Variants in PHC1 observed in about 807,000 individuals in gnomAD.
PHC1 encodes the protein polyhomeotic homolog 1.
PHC1 carries 12 observed loss-of-function variants against 104.3 expected under a neutral mutation model. That is an observed-to-expected ratio of 0.12 (90% CI 0.07 to 0.19). The LOEUF is 0.19. Ranked by LOEUF, PHC1 falls within the 10% of genes least tolerant of loss-of-function variation. The pLI is 1.00. For missense variants in PHC1, 671 were observed against 1,200.0 expected (o/e 0.56, Z 6.51); for synonymous variants, 302 against 455.8 (o/e 0.66, Z 4.30).
At chr12:8,917,567 A>G in intron 1 of PHC1, 63 bp from the exon 2 acceptor site, 1 of 503,550 alleles carries the variant, frequency 2.0e-6, no homozygotes, top group Non-Finnish European at 3.5e-6. Context: ...TTTTTGAATA[A>G]TAACATGAGA....
chr12:8,926,032 A>T (rs1160636954), intron 6 of PHC1, among the ~76,000 whole-genome samples: 1 of 152,078 alleles, frequency 6.6e-6, no homozygotes, highest in Non-Finnish European at 1.5e-5. Flanking sequence ...TAGATGGGGG[A>T]ATTAAAGGAG....
chr12:8,936,844 C>CT lies in PHC1; in HGVS notation c.2369-10dup. ...ACCCATGGTGACTGTCCAGCAATACCTTGTTTTTTAGAGTTAGATAAGAAG... is the reference window on the plus strand; with the variant it reads ...ACCCATGGTGACTGTCCAGCAATACCTTTGTTTTTTAGAGTTAGATAAGAAG... On this transcript the variant is annotated splice_polypyrimidine_tract_variant and intron_variant, in intron 11 of 14. Transcript: ENST00000544916. 1.3e-6 allele frequency: 2 copies of CT among 1,556,152 alleles called. No individual in the cohort carries two copies. Among genetic ancestry groups the CT allele is most frequent in the South Asian group, 2.3e-5 (2 of 88,884 alleles).
intron 2 of PHC1, 147 bp downstream of exon 2, chr12:8,917,938 A>C (rs1435130180): frequency 3.4e-6 from 2 of 581,574 alleles, no homozygotes; most frequent in Non-Finnish European, 3.1e-6. Context: ...AGCTCTGAGA[A>C]TCTTAGGAGT....
chr12:8,934,836 C>T (rs1945788941), intron 10 of PHC1, among the ~76,000 whole-genome samples: 1 of 151,968 alleles, frequency 6.6e-6, no homozygotes, highest in Admixed American at 6.6e-5. Context: ...ATTCTCAGCA[C>T]CATAGGAAGG....
chr12:8,936,713 C>T (rs773201112), intron 11 of PHC1, 143 bp from the exon 12 acceptor site: 5 of 623,854 alleles, frequency 8.0e-6, no homozygotes, highest in African/African-American at 3.7e-5. Flanking sequence ...TTGAACTTTG[C>T]GTTTTAGGGA....
chr12:8,937,672 G>A (rs1275427621), intron 13 of PHC1, among the ~76,000 whole-genome samples, 157 bp from the exon 14 acceptor site: 1 of 152,190 alleles, frequency 6.6e-6, no homozygotes, highest in Non-Finnish European at 1.5e-5. Flanking sequence ...GAAAGACTTT[G>A]AGAGTAGATT....
chr12:8,930,930 A>C lies in PHC1; in HGVS notation c.1105+3A>C. 1 of 1,606,540 alleles carries C rather than the reference A, an allele frequency of 6.2e-7. No homozygotes were observed. Among genetic ancestry groups the C allele is most frequent in the South Asian group, 1.1e-5 (1 of 90,524 alleles). On this transcript the variant is annotated splice_donor_region_variant and intron_variant, in intron 7 of 14. Coordinates refer to ENST00000544916, the MANE Select transcript of PHC1 (RefSeq NM_004426.3). ...CAGCCAGACACTTATTAGCTCAGGT[A>C]AATTGTCATTCCTCATGTCATTATT...
Position 8,934,359 on chromosome 12 carries a change from C to T in PHC1, c.2134C>T (p.Leu712=). 2.5e-6 allele frequency: 4 copies of T among 1,613,952 alleles called. No homozygotes were observed. The highest frequency in any genetic ancestry group is 3.4e-6 in the Non-Finnish European group (4 of 1,179,806). ...TPAPSVPPPT[L]AMVSRQMGDS... is the part of the protein sequence containing the mutation. ...CGCCCCTTCAGTACCGCCTCCTACA[C>T]TAGCCATGGTGTCTAGACAAATGGG... is the stretch of plus-strand genomic sequence containing the variant. The change falls in exon 10 of 15, where the codon CTA becomes TTA. Residue 712 remains leucine (L), a synonymous_variant. Transcript: ENST00000544916.
At chr12:8,925,575 G>A (rs1263115451) in intron 6 of PHC1, among the ~76,000 whole-genome samples, 2 of 152,166 alleles carry the variant, frequency 1.3e-5, no homozygotes, top group African/African-American at 4.8e-5. Context: ...GGAGAGTGTT[G>A]GAGGCAGGAG....
intron 7 of PHC1, 61 bp from the exon 8 acceptor site, chr12:8,932,502 A>G: frequency 6.5e-7 from 1 of 1,547,802 alleles, no homozygotes; most frequent in Admixed American, 1.8e-5. Context: ...CTTTTAATTT[A>G]GAATGATTAT....
At chr12:8,920,874 T>C (rs1945342476) in intron 3 of PHC1, 111 bp from the exon 4 acceptor site, 1 of 693,724 alleles carries the variant, frequency 1.4e-6, no homozygotes, top group African/African-American at 1.8e-5. Flanking sequence ...GGAATCTCCC[T>C]GTTTATAATG....
upstream of PHC1, among the ~76,000 whole-genome samples, chr12:8,914,268 C>T (rs1945129856): frequency 6.6e-6 from 1 of 151,966 alleles, no homozygotes; most frequent in African/African-American, 2.4e-5. Context: ...TCCTTCCAAC[C>T]GGCGAGCAGA....
At chr12:8,924,917 C>A (rs752234438) in intron 6 of PHC1, among the ~76,000 whole-genome samples, 10 of 152,278 alleles carry the variant, frequency 6.6e-5, no homozygotes, top group African/African-American at 2.4e-4. Context: ...AGGGAACTTG[C>A]TAAGAAACTC....
Position 8,919,276 on chromosome 12 carries a change from G to T in PHC1, c.115-480G>T, listed in dbSNP as rs1055446610. ...GAGTTTCACCATGTTGGCCAGGCTG[G>T]TCTTGAACTCCCGACCTCAGGTGAT... On this transcript the variant is annotated intron_variant, in intron 2 of 14. Coordinates refer to ENST00000544916, the MANE Select transcript of PHC1 (RefSeq NM_004426.3). This position sits in a 1 kb window ranked among gnomAD's most constrained non-coding sequence, Gnocchi z 4.9. 3.9e-5 allele frequency among the ~76,000 whole-genome samples: 6 copies of T among 152,052 alleles called. No individual in the cohort carries two copies. Among genetic ancestry groups the T allele is most frequent in the Admixed American group, 2.0e-4 (3 of 15,280 alleles).
At chr12:8,927,231 T>TG (rs977957440) in intron 6 of PHC1, among the ~76,000 whole-genome samples, 3 of 152,076 alleles carry the variant, frequency 2.0e-5, no homozygotes, top group Non-Finnish European at 4.4e-5. Flanking sequence ...TTCAGTTGTT[T>TG]GGGGGGTGGT....
chr12:8,921,797 G>T, intron 5 of PHC1, 47 bp downstream of exon 5: 6 of 1,514,958 alleles, frequency 4.0e-6, no homozygotes, highest in Non-Finnish European at 5.3e-6. Context: ...ATAATTGTCT[G>T]GCCCTGGCAA....
chr12:8,914,760 G>A lies in PHC1; in HGVS notation c.-116G>A, dbSNP rs1321416214. The stretch of plus-strand genomic sequence containing the variant: ...GAGCGAGCCCCCAGCCCAGCCTGGC[G>A]ACTGGGGACCCCGGCACATGAGGTG... On this transcript the variant is annotated 5_prime_UTR_variant, in exon 1 of 15. Coordinates refer to ENST00000544916, the MANE Select transcript of PHC1 (RefSeq NM_004426.3). 1 of 153,240 alleles carries A rather than the reference G, an allele frequency of 6.5e-6. No homozygotes were observed. Among genetic ancestry groups the A allele is most frequent in the African/African-American group, 2.4e-5 (1 of 41,466 alleles). The allele number at this position is 153,240 out of a possible 1,614,324, so 9.5% of individuals were successfully genotyped here. A position where few individuals can be genotyped will look rare whatever the true frequency, so the allele number is the denominator to read the frequency against.
chr12:8,914,420 A>G (rs1259624863), upstream of PHC1: 4 of 13,386 alleles, frequency 3.0e-4, no homozygotes, highest in Non-Finnish European at 6.1e-4. Context: ...CGCGGGAGGG[A>G]GGGGGCGGAG....
chr12:8,933,834 C>A lies in PHC1; in HGVS notation c.1894-31C>A, dbSNP rs745776823. On this transcript the variant is annotated intron_variant, in intron 8 of 14. Coordinates refer to ENST00000544916, the MANE Select transcript of PHC1 (RefSeq NM_004426.3). ...TCCTTATTATCCTTCATTTGTACAT[C>A]TTTGTTTCTTTCCTATTCTTTACGG... 5.7e-6 allele frequency: 9 copies of A among 1,581,798 alleles called. No individual in the cohort carries two copies. The Admixed American group carries it at 8.6e-5, about 15-fold the overall frequency.
Sources: gnomAD v4.1 joint callset for allele counts (sites outside exome capture counted in the v4.1 genomes callset) on GRCh38, gnomAD v4.1.1 for gene constraint, Gnocchi (gnomAD v3.1) non-coding constraint, MANE v1.5 for transcripts, NCBI Gene and HGNC (gene_info 2026-07-23, HGNC 2026-07-21) for gene names.